The following RBFOX3 variants were observed in gnomAD, a reference collection of about 807,000 sequenced individuals.
The protein encoded by RBFOX3 is RNA binding protein fox-1 homolog 3.
RBFOX3 carries 17 observed loss-of-function variants against 48.7 expected under a neutral mutation model. The ratio of observed to expected loss-of-function variants is 0.35; its 90% CI spans 0.24 to 0.52. RBFOX3 has a LOEUF of 0.52. RBFOX3 is among the 20% of genes least tolerant of loss of function. The pLI is 0.94. For missense variants in RBFOX3, 382 were observed against 497.5 expected, an observed-to-expected ratio of 0.77 and a Z score of 2.21; for synonymous variants, 212 against 209.5, an observed-to-expected ratio of 1.01 and a Z score of -0.10.
chr17:79,107,286 C>CCAGCCTGCTT (rs1308102239), intron 5 of RBFOX3, among the ~76,000 whole-genome samples: 1 of 152,230 alleles, frequency 6.6e-6, no homozygotes. Flanking sequence ...CCATCCCTGC[C>CCAGCCTGCTT]ATGCTCCTGC....
Position 79,382,208 on chromosome 17 carries a change from C to T in RBFOX3, c.-174-74384G>A, listed in dbSNP as rs2060011942. Among the ~76,000 whole-genome samples, 4 of 152,206 alleles carry T rather than the reference C, an allele frequency of 2.6e-5. No individual in the cohort carries two copies. In the South Asian group the frequency reaches 8.3e-4, roughly 31 times the overall value. On this transcript the variant is annotated intron_variant, in intron 2 of 14. Transcript: ENST00000693108. The stretch of plus-strand genomic sequence containing the variant: ...ACCACCCAACGGGAGACGATGGTCA[C>T]ATTCACTGAAGCAAGCTTTGGGCAC...
chr17:79,153,556 C>T (rs2045077193), intron 4 of RBFOX3, among the ~76,000 whole-genome samples: 1 of 152,182 alleles, frequency 6.6e-6, no homozygotes, highest in Admixed American at 6.5e-5. Context: ...TATCAGAGCC[C>T]AGAGAGGCTA....
chr17:79,136,642 G>A (rs920119792), intron 4 of RBFOX3, among the ~76,000 whole-genome samples: 1 of 152,172 alleles, frequency 6.6e-6, no homozygotes, highest in African/African-American at 2.4e-5. Flanking sequence ...AGCACTGCCA[G>A]AAGATGGGGA....
Position 79,472,620 on chromosome 17 carries a change from CTGGCCTCTTG to C in RBFOX3, c.-175+9824_-175+9833del, listed in dbSNP as rs1384290705. Among the ~76,000 whole-genome samples, 3 of 152,338 alleles carry C rather than the reference CTGGCCTCTTG, an allele frequency of 2.0e-5. No homozygotes were observed. The East Asian group carries it at 5.8e-4, about 29-fold the overall frequency. On this transcript the variant is annotated intron_variant, in intron 2 of 14. Coordinates refer to ENST00000693108, the MANE Select transcript of RBFOX3 (RefSeq NM_001350451.2). ...CTGCCAACAGCTTGATCTTAGACTT[CTGGCCTCTTG>C]AATTTTGAGAAAATTAACCTCTGTT...
intron 3 of RBFOX3, among the ~76,000 whole-genome samples, chr17:79,259,313 C>T (rs1384093784): frequency 2.6e-5 from 4 of 152,194 alleles, no homozygotes; most frequent in Admixed American, 6.5e-5. Context: ...GCACCGATCT[C>T]GGGTAGGGTC....
intron 4 of RBFOX3, among the ~76,000 whole-genome samples, chr17:79,192,837 T>A (rs750345364): frequency 2.1e-4 from 32 of 152,238 alleles, no homozygotes; most frequent in Non-Finnish European, 3.2e-4. Context: ...CAAAACATCC[T>A]CGCCTGTTGA....
intron 2 of RBFOX3, among the ~76,000 whole-genome samples, chr17:79,377,282 CAG>C (rs1469010129): frequency 2.0e-5 from 3 of 152,116 alleles, no homozygotes; most frequent in Admixed American, 1.3e-4. Flanking sequence ...CATAATTACA[CAG>C]AGACGCATAC....
At chr17:79,398,464 A>G (rs1003956438) in intron 2 of RBFOX3, among the ~76,000 whole-genome samples, 16 of 151,818 alleles carry the variant, frequency 1.1e-4, no homozygotes, top group Non-Finnish European at 2.1e-4. Context: ...TACGTACACC[A>G]CATAAACCAC....
intron 3 of RBFOX3, among the ~76,000 whole-genome samples, chr17:79,286,462 C>T (rs1211466797): frequency 6.6e-6 from 1 of 152,216 alleles, no homozygotes; most frequent in African/African-American, 2.4e-5. Flanking sequence ...CTCCCAAAGA[C>T]CAGCAAAGCC....
chr17:79,420,174 C>CACAT (rs1555721368), intron 2 of RBFOX3, among the ~76,000 whole-genome samples: 2 of 79,686 alleles, frequency 2.5e-5, no homozygotes, highest in Non-Finnish European at 5.4e-5. Context: ...CACACACACA[C>CACAT]AAAAGATGGT....
chr17:79,315,537 C>A (rs1033923981), intron 2 of RBFOX3, among the ~76,000 whole-genome samples: 1 of 152,208 alleles, frequency 6.6e-6, no homozygotes, highest in Non-Finnish European at 1.5e-5. Flanking sequence ...GCCGCGCCTT[C>A]ACACTTGCTG....
intron 2 of RBFOX3, among the ~76,000 whole-genome samples, chr17:79,383,998 G>A (rs746897527): frequency 3.9e-5 from 6 of 152,172 alleles, no homozygotes; most frequent in East Asian, 1.9e-4. Flanking sequence ...AGCCAGACAC[G>A]GGGCTAGAAG....
At position 79,177,160 on chromosome 17, in the gene RBFOX3, G is replaced by A. The variant is rs565488615; in HGVS notation, c.-34+58606C>T. On this transcript the variant is annotated intron_variant, in intron 4 of 14. Transcript: ENST00000693108. ...TGGGCTGAGCTGGGTGCCAGGGGTT[G>A]CAAGCACCTCCCCAGAGCTGGCCCA... 3.1e-3 allele frequency among the ~76,000 whole-genome samples: 472 copies of A among 152,240 alleles called. 6 individuals carry two copies. Among genetic ancestry groups the A allele is most frequent in the African/African-American group, 0.011 (447 of 41,524 alleles).
intron 2 of RBFOX3, among the ~76,000 whole-genome samples, chr17:79,314,913 T>C (rs55791523): frequency 8.4e-5 from 5 of 59,516 alleles, no homozygotes; most frequent in East Asian, 5.2e-4. Flanking sequence ...TTCCTTTTTT[T>C]TTTTTTTTTA....
At chr17:79,464,942 T>G (rs1169606770) in intron 2 of RBFOX3, among the ~76,000 whole-genome samples, 4 of 152,248 alleles carry the variant, frequency 2.6e-5, no homozygotes, top group Non-Finnish European at 5.9e-5. Flanking sequence ...AGGGTGAGGC[T>G]CGGCAAGTTA....
intron 3 of RBFOX3, among the ~76,000 whole-genome samples, chr17:79,292,864 C>G (rs1036875890): frequency 6.6e-6 from 1 of 152,186 alleles, no homozygotes; most frequent in Non-Finnish European, 1.5e-5. Context: ...AAGAAGCAAA[C>G]AGACTTCGTT....
chr17:79,489,127 G>A (rs2080096751), intron 1 of RBFOX3, among the ~76,000 whole-genome samples: 1 of 151,590 alleles, frequency 6.6e-6, no homozygotes, highest in Non-Finnish European at 1.5e-5. Context: ...CAAAATCTCA[G>A]AGGACTCCAC....
chr17:79,661,310 A>T, the RBFOX3 span, among the ~76,000 whole-genome samples: 2 of 149,592 alleles, frequency 1.3e-5, no homozygotes, highest in African/African-American at 2.5e-5. Context: ...AAAAAAGGTT[A>T]AAAAAAAAAG....
At chr17:79,609,628 C>T in intron 1 of RBFOX3, among the ~76,000 whole-genome samples, 1 of 151,870 alleles carries the variant, frequency 6.6e-6, no homozygotes, top group Non-Finnish European at 1.5e-5. Flanking sequence ...TGGGCCCCCG[C>T]CCCCACCAGT....
Sources: gnomAD v4.1 joint callset for allele counts (sites outside exome capture counted in the v4.1 genomes callset) on GRCh38, gnomAD v4.1.1 for gene constraint, MANE v1.5 for transcripts, NCBI Gene and HGNC (gene_info 2026-07-23, HGNC 2026-07-21) for gene names.